CREB1: variants seen among roughly 807,000 people sequenced by gnomAD.
CREB1 encodes the protein cyclic AMP-responsive element-binding protein 1.
Under a neutral mutation model 42.0 loss-of-function variants are expected in CREB1, and 2 were observed. The ratio of observed to expected loss-of-function variants is 0.05; its 90% CI spans 0.02 to 0.15. The LOEUF is 0.15. Among genes scored for constraint, CREB1 ranks in the 10% least tolerant of loss-of-function variants. CREB1 has a pLI of 1.00. For missense variants in CREB1, 199 were observed against 388.9 expected, an observed-to-expected ratio of 0.51 and a Z score of 4.11; for synonymous variants, 123 against 139.9, an observed-to-expected ratio of 0.88 and a Z score of 0.85.
chr2:207,557,425 A>G (rs2081772789), intron 2 of CREB1, among the ~76,000 whole-genome samples: 1 of 152,170 alleles, frequency 6.6e-6, no homozygotes, highest in Admixed American at 6.5e-5. Flanking sequence ...GCTCACACCT[A>G]TAATCCCCAC....
At chr2:207,588,091 TAAAAAG>T (rs1457154764) in intron 7 of CREB1, among the ~76,000 whole-genome samples, 1 of 151,736 alleles carries the variant, frequency 6.6e-6, no homozygotes, top group African/African-American at 2.4e-5. Context: ...CAACTAAAAA[TAAAAAG>T]GAAAAAAGAA....
intron 1 of CREB1, among the ~76,000 whole-genome samples, chr2:207,552,876 C>A (rs2042485): frequency 0.88 from 133,888 of 152,026 alleles, 60,303 homozygotes; most frequent in East Asian, 1. Context: ...TCGGCCTCCC[C>A]AAGTGCTGGG....
intron 6 of CREB1, chr2:207,576,814 A>T (rs993843593): frequency 9.8e-7 from 1 of 1,024,768 alleles, no homozygotes; most frequent in Non-Finnish European, 1.2e-6. Flanking sequence ...TAGGTTCCTT[A>T]TTAGGAGAGC....
Position 207,598,482 on chromosome 2 carries a change from C to A in CREB1, c.*1424C>A. 2.6e-5 allele frequency: 2 copies of A among 76,218 alleles called. No homozygotes were observed. Among genetic ancestry groups the A allele is most frequent in the Non-Finnish European group, 4.6e-5 (2 of 43,424 alleles). 4.7% of individuals were successfully genotyped at this position (76,218 alleles called of 1,614,324 possible). On this transcript the variant is annotated 3_prime_UTR_variant, in exon 8 of 8. Transcript: ENST00000353267. Reference sequence around the variant, plus strand: ...CTAAGCTCGATAAATCTAACAGTTACTCTTAAAAAAAAAAAAAAAAGACTA... The same window carrying A: ...CTAAGCTCGATAAATCTAACAGTTAATCTTAAAAAAAAAAAAAAAAGACTA...
At chr2:207,540,294 A>T (rs146731645) in intron 1 of CREB1, among the ~76,000 whole-genome samples, 1 of 152,148 alleles carries the variant, frequency 6.6e-6, no homozygotes, top group Non-Finnish European at 1.5e-5. Context: ...GATGTTGACA[A>T]TCTTGACCCT....
At chr2:207,530,491 G>C (rs2080554914) in intron 1 of CREB1, among the ~76,000 whole-genome samples, 1 of 143,820 alleles carries the variant, frequency 7.0e-6, no homozygotes, top group Non-Finnish European at 1.5e-5. Context: ...CGCCGCCGCC[G>C]CCGGGCCGGG....
chr2:207,559,694 A>G (rs951434986), intron 2 of CREB1, among the ~76,000 whole-genome samples: 2 of 152,240 alleles, frequency 1.3e-5, no homozygotes, highest in African/African-American at 4.8e-5. Flanking sequence ...AGGTTTGCTT[A>G]TGCTTGAGAG....
At chr2:207,561,137 A>C (rs2081942091) in intron 3 of CREB1, 1 of 1,613,370 alleles carries the variant, frequency 6.2e-7, no homozygotes, top group East Asian at 2.2e-5. Context: ...TAAGGACTTA[A>C]AAAGACTTTT....
intron 2 of CREB1, 98 bp from the exon 3 acceptor site, chr2:207,560,127 AG>A (rs1237295140): frequency 2.8e-6 from 3 of 1,077,268 alleles, no homozygotes; most frequent in Non-Finnish European, 3.8e-6. Flanking sequence ...TCTAGCAAAA[AG>A]GTCACGTTTT....
chr2:207,560,915 A>G (rs748633302), intron 3 of CREB1, among the ~76,000 whole-genome samples: 95 of 152,270 alleles, frequency 6.2e-4, no homozygotes, highest in Non-Finnish European at 9.9e-4. Flanking sequence ...ATGTTATCTA[A>G]TTCTTTGGAG....
Position 207,570,159 on chromosome 2 carries a change from C to A in CREB1, c.363-20C>A. The A allele has an allele frequency of 6.5e-7, 1 of 1,527,672 alleles. No individual in the cohort carries two copies. Among genetic ancestry groups the A allele is most frequent in the Non-Finnish European group, 8.9e-7 (1 of 1,128,868 alleles). 94.6% of individuals were successfully genotyped at this position (1,527,672 alleles called of 1,614,324 possible). A position where few individuals can be genotyped will look rare whatever the true frequency, so the allele number is the denominator to read the frequency against. The stretch of plus-strand genomic sequence containing the variant: ...AATTGTACTTATATTTTTAATTATT[C>A]TAGTTTTCTAATTTTGTAGGAAAAT... On this transcript the variant is annotated intron_variant, in intron 4 of 7. Coordinates refer to ENST00000353267, the MANE Select transcript of CREB1 (RefSeq NM_004379.5).
intron 7 of CREB1, among the ~76,000 whole-genome samples, chr2:207,593,720 T>C (rs1339266984): frequency 1.6e-4 from 1 of 6,386 alleles, no homozygotes; most frequent in Non-Finnish European, 2.9e-4. Flanking sequence ...CCTCACAAAC[T>C]TTTTTTTTTT....
intron 7 of CREB1, among the ~76,000 whole-genome samples, chr2:207,593,569 T>C (rs1006184924): frequency 1.3e-5 from 2 of 152,118 alleles, no homozygotes; most frequent in African/African-American, 4.8e-5. Flanking sequence ...TTTTTCTGAA[T>C]TGATAGTTAC....
chr2:207,544,004 CTG>C (rs1418250285), intron 1 of CREB1, among the ~76,000 whole-genome samples: 1 of 152,182 alleles, frequency 6.6e-6, no homozygotes, highest in Non-Finnish European at 1.5e-5. Flanking sequence ...ACTGCAAGCT[CTG>C]CCTCCTGGGT....
At chr2:207,547,826 C>CT (rs2081351570) in intron 1 of CREB1, among the ~76,000 whole-genome samples, 4 of 152,126 alleles carry the variant, frequency 2.6e-5, no homozygotes, top group South Asian at 2.1e-4. Context: ...AAACAAAAAA[C>CT]TTTAAGAAAG....
intron 1 of CREB1, among the ~76,000 whole-genome samples, chr2:207,536,316 A>G (rs1337008576): frequency 6.6e-6 from 1 of 151,846 alleles, no homozygotes; most frequent in African/African-American, 2.4e-5. Flanking sequence ...GCACTTTGGG[A>G]GGCTGAGGTA....
chr2:207,551,338 CAG>C (rs972588963), intron 1 of CREB1, among the ~76,000 whole-genome samples: 8 of 152,246 alleles, frequency 5.3e-5, no homozygotes, highest in Non-Finnish European at 1.0e-4. Flanking sequence ...GAAATCTAAT[CAG>C]ATAAATTTCG....
intron 1 of CREB1, among the ~76,000 whole-genome samples, chr2:207,547,683 G>C (rs2081347019): frequency 6.6e-6 from 1 of 151,884 alleles, no homozygotes. Context: ...CATAGTCGTG[G>C]CTGCTGCTTT....
rs539862568 is a variant in CREB1, at chr2:207,599,680, C to G, written c.*2622C>G. On this transcript the variant is annotated 3_prime_UTR_variant, in exon 8 of 8. Transcript: ENST00000353267. The stretch of plus-strand genomic sequence containing the variant: ...AGTTTATAAAGATAAAATCAAGCAT[C>G]TTTTGTGCAGTTTTCTTTTTTTAAT... The G allele has an allele frequency of 2.0e-5, 4 of 197,604 alleles. No individual in the cohort carries two copies. Among genetic ancestry groups the G allele is most frequent in the Non-Finnish European group, 4.2e-5 (4 of 95,476 alleles). 12.2% of individuals were successfully genotyped at this position (197,604 alleles called of 1,614,324 possible).
Sources: gnomAD v4.1 joint callset for allele counts (sites outside exome capture counted in the v4.1 genomes callset) on GRCh38, gnomAD v4.1.1 for gene constraint, MANE v1.5 for transcripts, NCBI Gene and HGNC (gene_info 2026-07-23, HGNC 2026-07-21) for gene names.